The following STK4 variants were observed in gnomAD, a reference collection of about 807,000 sequenced individuals.
STK4 encodes the protein serine/threonine-protein kinase 4.
Under a neutral mutation model 64.9 loss-of-function variants are expected in STK4, and 30 were observed. The observed-to-expected ratio is 0.46, with a 90% CI of 0.35 to 0.63. The LOEUF (loss-of-function observed/expected upper bound fraction) is 0.63, where lower values mean the gene tolerates loss of function less well. Ranked by LOEUF, STK4 falls within the 20% of genes least tolerant of loss-of-function variation. STK4 has a pLI of 0.01. For missense variants in STK4, 466 were observed against 598.5 expected (o/e 0.78, Z 2.31); for synonymous variants, 177 against 199.0 (o/e 0.89, Z 0.93).
rs2071834 is a variant in STK4 at position 45,000,552 on chromosome 20, C to T, written c.960+32C>T. ...GGCAGCCGTTGCTGTGGGCCTCAGA[C>T]ATTGATGCTTGTTATTTTATGATTG... On this transcript the variant is annotated intron_variant, in intron 8 of 10. Coordinates refer to ENST00000372806, the MANE Select transcript of STK4 (RefSeq NM_006282.5). The T allele has an allele frequency of 5.7e-3, 9,254 of 1,612,546 alleles. 397 individuals carry two copies. In the East Asian group the frequency reaches 0.12, roughly 21 times the overall value.
intron 10 of STK4, among the ~76,000 whole-genome samples, chr20:45,063,842 C>G (rs533773646): frequency 6.6e-6 from 1 of 151,046 alleles, no homozygotes; most frequent in South Asian, 2.1e-4. Flanking sequence ...GAGTCTCGCT[C>G]TGTCACCCAG....
At chr20:45,071,142 G>A (rs1162783757) in intron 10 of STK4, among the ~76,000 whole-genome samples, 1 of 152,090 alleles carries the variant, frequency 6.6e-6, no homozygotes, top group African/African-American at 2.4e-5. Context: ...GTGCGAGTAT[G>A]GAGTATGGGT....
At chr20:45,000,845 A>C (rs2067824996) in intron 8 of STK4, among the ~76,000 whole-genome samples, 1 of 152,174 alleles carries the variant, frequency 6.6e-6, no homozygotes, top group Admixed American at 6.5e-5. Context: ...CATACTTAAC[A>C]TGTAGCTTTT....
At chr20:45,020,433 T>C (rs865900049) in intron 9 of STK4, among the ~76,000 whole-genome samples, 4 of 119,306 alleles carry the variant, frequency 3.4e-5, no homozygotes, top group African/African-American at 1.5e-4. Context: ...GGGGTGTATG[T>C]TTATGCGTGT....
At chr20:45,030,188 C>T (rs2145396413) in intron 10 of STK4, among the ~76,000 whole-genome samples, 1 of 150,126 alleles carries the variant, frequency 6.7e-6, no homozygotes, top group East Asian at 2.0e-4. Flanking sequence ...CTCACTGCAA[C>T]CTCTGCCGCC....
At chr20:45,017,303 G>A (rs952546625) in intron 9 of STK4, among the ~76,000 whole-genome samples, 2 of 152,110 alleles carry the variant, frequency 1.3e-5, no homozygotes, top group African/African-American at 2.4e-5. Flanking sequence ...TACTCTAGGC[G>A]CTTCAAATAA....
chr20:44,977,211 T>C (rs920033718), intron 2 of STK4, among the ~76,000 whole-genome samples: 4 of 152,240 alleles, frequency 2.6e-5, no homozygotes, highest in Non-Finnish European at 4.4e-5. Context: ...TATTTAAGGA[T>C]GATTATGCTA....
chr20:44,968,704 T>C (rs1383061268), intron 1 of STK4, among the ~76,000 whole-genome samples: 1 of 152,224 alleles, frequency 6.6e-6, no homozygotes, highest in Admixed American at 6.5e-5. Context: ...CTAAAGTTTC[T>C]TGGCATGCTC....
chr20:44,978,941 G>C (rs926082911), intron 3 of STK4, among the ~76,000 whole-genome samples: 2 of 151,984 alleles, frequency 1.3e-5, no homozygotes, highest in Non-Finnish European at 2.9e-5. Context: ...TGGGACTACA[G>C]GCATGTGCCA....
In STK4 at chr20:45,001,296, C is replaced by T; in HGVS notation, c.1090C>T (p.Gln364Ter). ...TGAGCACGATGACACGTTGCCATCA[C>T]AACTGGGCACCATGGTGATCAATGC... ...MIEHDDTLPS[Q>*]LGTMVINAED... Residue 364 changes from glutamine to a stop codon, truncating the protein, a stop_gained, in exon 9 of 11, where the codon CAA becomes TAA. Transcript: ENST00000372806. LOFTEE classifies it high-confidence loss of function. 6.2e-7 allele frequency: 1 copy of T among 1,614,136 alleles called. No individual in the cohort carries two copies. The highest frequency in any genetic ancestry group is 8.5e-7 in the Non-Finnish European group (1 of 1,180,016).
intron 10 of STK4, among the ~76,000 whole-genome samples, chr20:45,063,875 T>C (rs1192664870): frequency 1.3e-5 from 2 of 151,870 alleles, no homozygotes; most frequent in South Asian, 4.2e-4. Flanking sequence ...TGGTGTGATC[T>C]CGGCTCACTG....
At chr20:44,999,671 CTT>C (rs1228622984) in intron 7 of STK4, among the ~76,000 whole-genome samples, 3 of 152,124 alleles carry the variant, frequency 2.0e-5, no homozygotes, top group African/African-American at 7.2e-5. Flanking sequence ...TTTCAAGTAT[CTT>C]TGGTGATTGA....
At position 44,987,316 on chromosome 20, in the gene STK4, G is replaced by A; in HGVS notation, c.525+20G>A. ...CTTACAGTAAGTAAAAATATTACTT[G>A]TATTGATAATTTTCATTTCTGTCCT... On this transcript the variant is annotated intron_variant, in intron 5 of 10. Transcript: ENST00000372806. 1.9e-6 allele frequency: 3 copies of A among 1,590,012 alleles called. No individual in the cohort carries two copies. The highest frequency in any genetic ancestry group is 2.3e-5 in the East Asian group (1 of 44,334).
chr20:45,043,767 G>A (rs2068650057), intron 10 of STK4, among the ~76,000 whole-genome samples: 1 of 152,166 alleles, frequency 6.6e-6, no homozygotes, highest in African/African-American at 2.4e-5. Context: ...AAAATCCAAA[G>A]TTTAAAACAC....
At chr20:45,031,326 T>A (rs2068438723) in intron 10 of STK4, among the ~76,000 whole-genome samples, 1 of 152,054 alleles carries the variant, frequency 6.6e-6, no homozygotes, top group South Asian at 2.1e-4. Flanking sequence ...AGACATAGAC[T>A]ATGTGTAAGG....
chr20:45,014,791 A>G (rs753699561), intron 9 of STK4, among the ~76,000 whole-genome samples: 2 of 152,184 alleles, frequency 1.3e-5, no homozygotes, highest in Non-Finnish European at 2.9e-5. Context: ...CAAGAGATGC[A>G]TAGCCCTGGT....
intron 10 of STK4, among the ~76,000 whole-genome samples, chr20:45,028,118 A>G (rs1026291197): frequency 6.6e-6 from 1 of 152,182 alleles, no homozygotes; most frequent in South Asian, 2.1e-4. Flanking sequence ...TCTTTTGGAT[A>G]TATGCCCAGC....
At chr20:45,049,660 A>G (rs2068747866) in intron 10 of STK4, among the ~76,000 whole-genome samples, 4 of 152,246 alleles carry the variant, frequency 2.6e-5, no homozygotes, top group Admixed American at 6.5e-5. Context: ...CGGATGTTTA[A>G]CAATGGTACT....
chr20:45,072,052 C>A (rs1316605031), intron 10 of STK4, among the ~76,000 whole-genome samples: 1 of 152,302 alleles, frequency 6.6e-6, no homozygotes, highest in Admixed American at 6.5e-5. Flanking sequence ...CATGAGCTAC[C>A]ATGCCCAGCG....
Sources: gnomAD v4.1 joint callset for allele counts (sites outside exome capture counted in the v4.1 genomes callset) on GRCh38, gnomAD v4.1.1 for gene constraint, MANE v1.5 for transcripts, NCBI Gene and HGNC (gene_info 2026-07-23, HGNC 2026-07-21) for gene names.